Variants in SIPA1L1 observed in about 807,000 individuals in gnomAD.
The protein encoded by SIPA1L1 is signal-induced proliferation-associated 1-like protein 1.
In SIPA1L1, 26 loss-of-function variants were observed where a neutral mutation model predicts 162.7. The ratio of observed to expected loss-of-function variants is 0.16; its 90% confidence interval spans 0.12 to 0.22. The LOEUF is 0.22. SIPA1L1 is among the 10% of genes least tolerant of loss of function. The pLI, the probability that SIPA1L1 is intolerant of heterozygous loss-of-function variation, is 1.00. For synonymous variants in SIPA1L1, 829 were observed against 837.4 expected, an observed-to-expected ratio of 0.99 and a Z score of 0.17; for missense variants, 1,874 against 2,241.0, an observed-to-expected ratio of 0.84 and a Z score of 3.31.
intron 2 of SIPA1L1, among the ~76,000 whole-genome samples, chr14:71,393,688 G>T (rs1235596201): frequency 1.3e-5 from 2 of 152,140 alleles, no homozygotes; most frequent in African/African-American, 4.8e-5. Context: ...GGGATTGGTG[G>T]CATGTACCTG....
At chr14:71,568,372 G>T (rs192819047) in intron 4 of SIPA1L1, among the ~76,000 whole-genome samples, 5 of 152,294 alleles carry the variant, frequency 3.3e-5, no homozygotes, top group Admixed American at 1.3e-4. Flanking sequence ...AGGGTGTCTT[G>T]TATCCAGGGA....
At chr14:71,513,185 G>T (rs918218725) in intron 3 of SIPA1L1, among the ~76,000 whole-genome samples, 1 of 152,006 alleles carries the variant, frequency 6.6e-6, no homozygotes, top group Non-Finnish European at 1.5e-5. Flanking sequence ...AGAGTTTGGC[G>T]TTCTTCATCA....
intron 2 of SIPA1L1, among the ~76,000 whole-genome samples, chr14:71,345,936 G>T (rs2140491447): frequency 6.6e-6 from 1 of 150,402 alleles, no homozygotes; most frequent in South Asian, 2.1e-4. Flanking sequence ...TTTTTGAGAT[G>T]GAGTCTCTGT....
At chr14:71,446,894 G>GTTTTTTGTTTTTTTTTTT (rs2045396968) in intron 2 of SIPA1L1, among the ~76,000 whole-genome samples, 2 of 87,406 alleles carry the variant, frequency 2.3e-5, no homozygotes, top group Non-Finnish European at 4.3e-5. Flanking sequence ...GATGGGCTCT[G>GTTTTTTGTTTTTTTTTTT]TTTTTTTTTT....
intron 2 of SIPA1L1, among the ~76,000 whole-genome samples, 165 bp from the exon 3 acceptor site, chr14:71,512,578 T>A (rs1222201985): frequency 4.4e-5 from 6 of 137,208 alleles, no homozygotes; most frequent in African/African-American, 1.6e-4. Context: ...AGAGCGAGAC[T>A]CTGTCTCAAA....
At chr14:71,393,489 C>T (rs1320243818) in intron 2 of SIPA1L1, among the ~76,000 whole-genome samples, 1 of 152,172 alleles carries the variant, frequency 6.6e-6, no homozygotes, top group African/African-American at 2.4e-5. Context: ...TTGGACCACA[C>T]TCATGCTAGC....
At chr14:71,591,666 A>G (rs2035414713) in intron 5 of SIPA1L1, among the ~76,000 whole-genome samples, 4 of 152,210 alleles carry the variant, frequency 2.6e-5, no homozygotes. Flanking sequence ...TCATTAACAC[A>G]TATAAGAATA....
intron 2 of SIPA1L1, among the ~76,000 whole-genome samples, chr14:71,480,252 T>G (rs567495099): frequency 8.0e-4 from 121 of 151,560 alleles, no homozygotes; most frequent in African/African-American, 2.7e-3. Flanking sequence ...CCAGCTAATT[T>G]TTTTGTATTT....
chr14:71,732,824 C>T (rs573247866), intron 20 of SIPA1L1, among the ~76,000 whole-genome samples: 1 of 152,204 alleles, frequency 6.6e-6, no homozygotes, highest in Non-Finnish European at 1.5e-5. Context: ...CCCCCTTGGA[C>T]ACCTTTGACC....
At chr14:71,665,761 A>C (rs1406510537) in intron 10 of SIPA1L1, among the ~76,000 whole-genome samples, 1 of 152,202 alleles carries the variant, frequency 6.6e-6, no homozygotes, top group Non-Finnish European at 1.5e-5. Flanking sequence ...GCCCGAAACC[A>C]TGGATAGTGC....
chr14:71,685,140 C>G (rs941700299), intron 12 of SIPA1L1, among the ~76,000 whole-genome samples: 2 of 152,096 alleles, frequency 1.3e-5, no homozygotes, highest in East Asian at 3.8e-4. Flanking sequence ...ATCTCGCACT[C>G]AAAAAGTTGG....
intron 2 of SIPA1L1, among the ~76,000 whole-genome samples, chr14:71,349,819 A>G (rs1419402717): frequency 6.6e-6 from 1 of 152,212 alleles, no homozygotes; most frequent in Non-Finnish European, 1.5e-5. Context: ...TTCCTTGCAC[A>G]TATTTTTTGA....
intron 4 of SIPA1L1, among the ~76,000 whole-genome samples, chr14:71,533,395 C>A (rs894543959): frequency 1.3e-5 from 2 of 152,068 alleles, no homozygotes; most frequent in African/African-American, 4.8e-5. Context: ...ACTTCTTTCC[C>A]AGCGCTGTGT....
At chr14:71,627,520 C>T (rs1206968618) in intron 7 of SIPA1L1, among the ~76,000 whole-genome samples, 1 of 152,112 alleles carries the variant, frequency 6.6e-6, no homozygotes, top group Admixed American at 6.6e-5. Context: ...CTAATATTTT[C>T]ACACCAATAA....
Position 71,675,940 on chromosome 14 carries a change from A to C in SIPA1L1, c.3104+3318A>C, listed in dbSNP as rs192810627. On this transcript the variant is annotated intron_variant, in intron 12 of 23. Transcript: ENST00000381232. ...CATTCATTTTGAAAATGCAGCTTTT[A>C]AAATATATATAATAGTTCAACAACA... Among the ~76,000 whole-genome samples the C allele has an allele frequency of 2.8e-3, 432 of 152,240 alleles. 3 individuals carry two copies. Among genetic ancestry groups the C allele is most frequent in the African/African-American group, 0.01 (425 of 41,554 alleles).
At chr14:71,544,247 T>TGC (rs1329427937) in intron 4 of SIPA1L1, among the ~76,000 whole-genome samples, 16 of 143,874 alleles carry the variant, frequency 1.1e-4, no homozygotes, top group Admixed American at 2.1e-4. Flanking sequence ...TGTATACACA[T>TGC]ATGTATATAC....
At chr14:71,664,507 AG>A (rs1182239609) in intron 10 of SIPA1L1, among the ~76,000 whole-genome samples, 2 of 152,352 alleles carry the variant, frequency 1.3e-5, no homozygotes, top group East Asian at 3.8e-4. Context: ...TAATCACACC[AG>A]GGTAAATGGG....
intron 22 of SIPA1L1, 24 bp downstream of exon 22, chr14:71,735,415 A>ACT (rs2085195324): frequency 6.8e-7 from 1 of 1,475,928 alleles, no homozygotes; most frequent in Admixed American, 1.7e-5. Context: ...CAAGGGCAGT[A>ACT]CTCTGCACCT....
At chr14:71,721,637 A>G (rs555092059) in intron 17 of SIPA1L1, among the ~76,000 whole-genome samples, 19 of 152,132 alleles carry the variant, frequency 1.2e-4, no homozygotes, top group Non-Finnish European at 2.5e-4. Flanking sequence ...ATGAGCTGCT[A>G]CTCAGGTTGT....
Sources: gnomAD v4.1 joint callset for allele counts (sites outside exome capture counted in the v4.1 genomes callset) on GRCh38, gnomAD v4.1.1 for gene constraint, MANE v1.5 for transcripts, NCBI Gene and HGNC (gene_info 2026-07-23, HGNC 2026-07-21) for gene names.